The following FHOD3 variants were observed in gnomAD, a reference collection of about 807,000 sequenced individuals.
FHOD3 encodes FH1/FH2 domain-containing protein 3.
In FHOD3, 90 loss-of-function variants were observed where a neutral mutation model predicts 173.0. The ratio of observed to expected loss-of-function variants is 0.52; its 90% CI spans 0.44 to 0.62. The LOEUF (loss-of-function observed/expected upper bound fraction) is 0.62, where lower values mean the gene tolerates loss of function less well. Ranked by LOEUF, FHOD3 falls within the 20% of genes least tolerant of loss-of-function variation. The pLI is 0.00. For missense variants in FHOD3, 1,945 were observed against 2,034.7 expected (o/e 0.96, Z 0.85); for synonymous variants, 828 against 823.0 (o/e 1.01, Z -0.10).
chr18:36,297,780 C>G lies in FHOD3; in HGVS notation c.-56C>G, dbSNP rs2091832024. ...CCCCTGCGCGCAGCTACCCGGGCGT[C>G]CCGGCCCGCGGCCCCGCTAACCCCG... On this transcript the variant is annotated 5_prime_UTR_variant, in exon 1 of 29. Coordinates refer to ENST00000590592, the MANE Select transcript of FHOD3 (RefSeq NM_001281740.3). The G allele has an allele frequency of 7.0e-7, 1 of 1,436,078 alleles. No individual in the cohort carries two copies. Among genetic ancestry groups the G allele is most frequent in the Non-Finnish European group, 9.2e-7 (1 of 1,086,402 alleles). 89.0% of individuals were successfully genotyped at this position (1,436,078 alleles called of 1,614,324 possible).
At chr18:36,728,595 T>G (rs2041193771) in intron 19 of FHOD3, among the ~76,000 whole-genome samples, 2 of 151,518 alleles carry the variant, frequency 1.3e-5, no homozygotes, top group South Asian at 4.2e-4. Context: ...TTGTTGGGTT[T>G]TTTTTTTTTT....
At chr18:36,738,465 G>A (rs1658741061) in intron 20 of FHOD3, among the ~76,000 whole-genome samples, 1 of 152,074 alleles carries the variant, frequency 6.6e-6, no homozygotes, top group Non-Finnish European at 1.5e-5. Flanking sequence ...GATAAAGTTT[G>A]GTTTATTATC....
chr18:36,463,267 G>A (rs2052670483), intron 3 of FHOD3, among the ~76,000 whole-genome samples: 1 of 147,624 alleles, frequency 6.8e-6, no homozygotes, highest in Non-Finnish European at 1.5e-5. Context: ...TGAAAACCTT[G>A]TAGGCTGTGA....
At chr18:36,411,624 T>C (rs2049354637) in intron 3 of FHOD3, among the ~76,000 whole-genome samples, 2 of 152,232 alleles carry the variant, frequency 1.3e-5, no homozygotes, top group Non-Finnish European at 2.9e-5. Context: ...CAGTATAATA[T>C]AGAGTAACCA....
chr18:36,647,252 C>T (rs1019233891), intron 10 of FHOD3, among the ~76,000 whole-genome samples: 1 of 152,112 alleles, frequency 6.6e-6, no homozygotes, highest in Non-Finnish European at 1.5e-5. Context: ...CAAAAACACA[C>T]TTCTTCAAAT....
chr18:36,471,970 A>G (rs191975153), intron 3 of FHOD3, among the ~76,000 whole-genome samples: 46 of 152,334 alleles, frequency 3.0e-4, no homozygotes, highest in African/African-American at 1.1e-3. Context: ...ATTTCCAACC[A>G]TTTTAGTTCC....
intron 9 of FHOD3, among the ~76,000 whole-genome samples, chr18:36,618,103 C>T (rs895183978): frequency 6.6e-6 from 1 of 150,792 alleles, no homozygotes; most frequent in African/African-American, 2.4e-5. Context: ...TTTTTTCAAG[C>T]AATAATTCTG....
intron 18 of FHOD3, among the ~76,000 whole-genome samples, chr18:36,712,301 C>T (rs758336916): frequency 6.6e-6 from 1 of 152,168 alleles, no homozygotes; most frequent in Non-Finnish European, 1.5e-5. Context: ...ATGAGCCAGA[C>T]ATTGGAATTA....
intron 6 of FHOD3, among the ~76,000 whole-genome samples, chr18:36,591,373 G>A (rs1019353441): frequency 5.3e-5 from 8 of 152,248 alleles, no homozygotes; most frequent in East Asian, 1.9e-4. Context: ...GGGCGGAGGC[G>A]GGGCTTGGCT....
intron 1 of FHOD3, among the ~76,000 whole-genome samples, chr18:36,305,834 G>C (rs575000817): frequency 6.6e-6 from 1 of 152,270 alleles, no homozygotes; most frequent in African/African-American, 2.4e-5. Flanking sequence ...CCACAATTTT[G>C]ACTAAAGAAG....
In FHOD3 at chr18:36,385,995, T is replaced by C. The variant is rs139092431; in HGVS notation, c.337+13251T>C. On this transcript the variant is annotated intron_variant, in intron 3 of 28. Transcript: ENST00000590592. Reference sequence around the variant, plus strand: ...TGCTTAGTTATATCTATAATAACTTTAAAGTTGAAACGTTATGCTCTAAGC... The same window carrying C: ...TGCTTAGTTATATCTATAATAACTTCAAAGTTGAAACGTTATGCTCTAAGC... Among the ~76,000 whole-genome samples the C allele has an allele frequency of 3.3e-4, 50 of 152,342 alleles. 1 individual carries two copies. In the East Asian group the frequency reaches 9.5e-3, roughly 29 times the overall value.
chr18:36,484,266 C>T (rs916656722), intron 3 of FHOD3, among the ~76,000 whole-genome samples: 2 of 152,128 alleles, frequency 1.3e-5, no homozygotes, highest in African/African-American at 4.8e-5. Context: ...GTTCAATTGT[C>T]TAGTTCTTTT....
chr18:36,652,641 C>G lies in FHOD3; in HGVS notation c.1358C>G (p.Ala453Gly). The change falls in exon 12 of 29, where the codon GCT becomes GGT. Residue 453 changes from alanine (A) to glycine (G), a missense_variant. Transcript: ENST00000590592. ...DAAPKSSALP[A>G]VSNASSQGKP... ...GCTCCCAAGAGCTCTGCCCTCCCTG[C>G]TGTCTCGAATGCCAGCTCGCAGGGA... The G allele has an allele frequency of 6.5e-7, 1 of 1,535,520 alleles. No homozygotes were observed. Among genetic ancestry groups the G allele is most frequent in the South Asian group, 1.2e-5 (1 of 84,024 alleles).
At chr18:36,495,539 T>C (rs1599379939) in intron 3 of FHOD3, among the ~76,000 whole-genome samples, 1 of 152,230 alleles carries the variant, frequency 6.6e-6, no homozygotes, top group Non-Finnish European at 1.5e-5. Context: ...CTTAGGGTAG[T>C]CTACAGCCCC....
chr18:36,476,816 C>T (rs975510701), intron 3 of FHOD3, among the ~76,000 whole-genome samples: 1 of 152,152 alleles, frequency 6.6e-6, no homozygotes, highest in Admixed American at 6.6e-5. Flanking sequence ...AGTGTGGGGG[C>T]ATGAAGGTCA....
intron 1 of FHOD3, among the ~76,000 whole-genome samples, chr18:36,318,866 A>C (rs1260046200): frequency 6.6e-6 from 1 of 152,180 alleles, no homozygotes; most frequent in Non-Finnish European, 1.5e-5. Flanking sequence ...GGTTTGTCAT[A>C]AATATCCCTT....
intron 6 of FHOD3, among the ~76,000 whole-genome samples, chr18:36,581,338 G>C (rs2058844570): frequency 6.6e-6 from 1 of 152,194 alleles, no homozygotes; most frequent in Admixed American, 6.5e-5. Context: ...ACCCAGCACA[G>C]AGAGTCTGTC....
chr18:36,464,715 G>A (rs929486419), intron 3 of FHOD3, among the ~76,000 whole-genome samples: 2 of 152,082 alleles, frequency 1.3e-5, no homozygotes, highest in African/African-American at 4.8e-5. Context: ...CCTTAGGAGG[G>A]AAGGAGGCCC....
intron 6 of FHOD3, among the ~76,000 whole-genome samples, chr18:36,590,153 T>A (rs2059164936): frequency 6.6e-6 from 1 of 152,164 alleles, no homozygotes; most frequent in Admixed American, 6.5e-5. Flanking sequence ...TCAGCAGACG[T>A]GGGCTGTGAA....
Sources: allele counts gnomAD v4.1 joint callset (sites outside exome capture counted in the v4.1 genomes callset), GRCh38; gene constraint gnomAD v4.1.1; transcripts MANE v1.5; gene names NCBI Gene and HGNC (gene_info 2026-07-23, HGNC 2026-07-21).